Variants in DOCK3 observed in about 807,000 individuals in gnomAD.
The protein encoded by DOCK3 is dedicator of cytokinesis 3, also known as dedicator of cytokinesis protein 3.
Under a neutral mutation model 265.6 loss-of-function variants are expected in DOCK3, and 60 were observed. The ratio of observed to expected loss-of-function variants is 0.23; its 90% CI spans 0.18 to 0.28. The LOEUF (loss-of-function observed/expected upper bound fraction) is 0.28, where lower values mean the gene tolerates loss of function less well. Ranked by LOEUF, DOCK3 falls within the 10% of genes least tolerant of loss-of-function variation. The pLI, the probability that DOCK3 is intolerant of heterozygous loss-of-function variation, is 1.00. For synonymous variants in DOCK3, 881 were observed against 938.0 expected, an observed-to-expected ratio of 0.94 and a Z score of 1.11; for missense variants, 1,981 against 2,594.3, an observed-to-expected ratio of 0.76 and a Z score of 5.14.
intron 1 of DOCK3, among the ~76,000 whole-genome samples, chr3:50,694,270 C>T (rs1482127280): frequency 6.8e-6 from 1 of 147,802 alleles, no homozygotes; most frequent in Non-Finnish European, 1.5e-5. Context: ...ACTTTGTCTC[C>T]AAAAAAACTA....
At chr3:50,835,908 C>T (rs968036315) in intron 2 of DOCK3, among the ~76,000 whole-genome samples, 7 of 152,174 alleles carry the variant, frequency 4.6e-5, no homozygotes, top group Admixed American at 2.6e-4. Flanking sequence ...TATCTTCATT[C>T]CTTCCAGGTG....
chr3:50,740,658 A>G (rs188810353), intron 1 of DOCK3, among the ~76,000 whole-genome samples: 11 of 152,230 alleles, frequency 7.2e-5, no homozygotes, highest in Non-Finnish European at 1.5e-4. Context: ...GTGAACATTC[A>G]AAATTTTTTT....
chr3:50,696,868 TG>T (rs1315484722), intron 1 of DOCK3, among the ~76,000 whole-genome samples: 1 of 152,118 alleles, frequency 6.6e-6, no homozygotes, highest in Non-Finnish European at 1.5e-5. Flanking sequence ...CTCTACATTG[TG>T]TGTATACTTT....
intron 2 of DOCK3, among the ~76,000 whole-genome samples, chr3:50,821,744 A>T (rs1225937724): frequency 6.6e-6 from 1 of 152,172 alleles, no homozygotes; most frequent in Non-Finnish European, 1.5e-5. Context: ...CATTTATTGA[A>T]TAGGGAGTCC....
intron 9 of DOCK3, among the ~76,000 whole-genome samples, chr3:51,116,472 A>AAAAAAAG (rs1553763620): frequency 1.4e-5 from 2 of 145,056 alleles, no homozygotes; most frequent in African/African-American, 5.5e-5. Flanking sequence ...AAAAAAAAAA[A>AAAAAAAG]GGGTAGTTTT....
chr3:50,907,168 A>G (rs2049563212), intron 4 of DOCK3, among the ~76,000 whole-genome samples: 1 of 152,112 alleles, frequency 6.6e-6, no homozygotes, highest in Admixed American at 6.5e-5. Flanking sequence ...GGAGTGCTTT[A>G]CTTCCAACTA....
chr3:51,297,117 CAAAAAAAAAAAA>C (rs71633066), intron 27 of DOCK3, among the ~76,000 whole-genome samples: 1 of 65,912 alleles, frequency 1.5e-5, no homozygotes, highest in African/African-American at 6.8e-5. Context: ...GACTCTGTCT[CAAAAAAAAAAAA>C]AAAAAAAAAA....
intron 5 of DOCK3, among the ~76,000 whole-genome samples, chr3:51,009,963 T>C (rs2078874445): frequency 6.6e-6 from 1 of 152,248 alleles, no homozygotes; most frequent in Non-Finnish European, 1.5e-5. Flanking sequence ...TCTAGTTTGA[T>C]TGCACTGTAT....
intron 38 of DOCK3, among the ~76,000 whole-genome samples, chr3:51,346,464 T>A (rs1047849974): frequency 1.3e-4 from 20 of 152,190 alleles, no homozygotes; most frequent in African/African-American, 4.3e-4. Context: ...ACAAAGGACA[T>A]GGACTCATCC....
chr3:50,874,114 T>C (rs1281618214), intron 3 of DOCK3, among the ~76,000 whole-genome samples: 1 of 147,374 alleles, frequency 6.8e-6, no homozygotes, highest in Non-Finnish European at 1.5e-5. Flanking sequence ...GGGTGATCAG[T>C]GGAGCTTTCT....
chr3:50,961,834 T>A (rs1345850779), intron 5 of DOCK3, among the ~76,000 whole-genome samples: 1 of 152,190 alleles, frequency 6.6e-6, no homozygotes, highest in African/African-American at 2.4e-5. Context: ...TCTGATCTGT[T>A]TAGTATGGTA....
intron 32 of DOCK3, among the ~76,000 whole-genome samples, chr3:51,323,085 A>G (rs1025423986): frequency 6.6e-6 from 1 of 152,226 alleles, no homozygotes; most frequent in Non-Finnish European, 1.5e-5. Flanking sequence ...GATCAATGCA[A>G]CAAGAAGCAC....
intron 5 of DOCK3, among the ~76,000 whole-genome samples, chr3:50,936,486 CA>C (rs2051369929): frequency 6.6e-6 from 1 of 151,684 alleles, no homozygotes; most frequent in East Asian, 1.9e-4. Flanking sequence ...GGGAAAACCC[CA>C]AAGAAATCTA....
intron 4 of DOCK3, among the ~76,000 whole-genome samples, chr3:50,903,522 G>A (rs2049310947): frequency 6.6e-6 from 1 of 152,172 alleles, no homozygotes; most frequent in Non-Finnish European, 1.5e-5. Flanking sequence ...AAGCTGACTT[G>A]ATCATAGTGG....
chr3:50,901,256 T>A (rs1275703404), intron 4 of DOCK3, among the ~76,000 whole-genome samples: 1 of 152,172 alleles, frequency 6.6e-6, no homozygotes, highest in Non-Finnish European at 1.5e-5. Flanking sequence ...AACTTCCTGA[T>A]GGCTTTGTTT....
chr3:51,131,493 A>T (rs549227452), intron 9 of DOCK3, among the ~76,000 whole-genome samples: 1 of 152,126 alleles, frequency 6.6e-6, no homozygotes, highest in African/African-American at 2.4e-5. Flanking sequence ...CCTCCATTCA[A>T]GGGGTTCTAG....
chr3:50,804,884 T>C (rs1227331218), intron 2 of DOCK3, among the ~76,000 whole-genome samples: 1 of 152,262 alleles, frequency 6.6e-6, no homozygotes, highest in Non-Finnish European at 1.5e-5. Flanking sequence ...TTGGCTTATC[T>C]ATCTTTTTTG....
intron 4 of DOCK3, among the ~76,000 whole-genome samples, chr3:50,910,403 C>T (rs1251892505): frequency 6.6e-6 from 1 of 152,110 alleles, no homozygotes; most frequent in Admixed American, 6.5e-5. Context: ...CTTTGGCTGC[C>T]CCATCTCATG....
At chr3:50,711,004 C>T (rs191608872) in intron 1 of DOCK3, among the ~76,000 whole-genome samples, 19 of 152,178 alleles carry the variant, frequency 1.2e-4, no homozygotes, top group Admixed American at 6.5e-4. Flanking sequence ...CATTGGGCAC[C>T]GCATACACTG....
Sources: gnomAD v4.1 joint callset for allele counts (sites outside exome capture counted in the v4.1 genomes callset) on GRCh38, gnomAD v4.1.1 for gene constraint, MANE v1.5 for transcripts, NCBI Gene and HGNC (gene_info 2026-07-23, HGNC 2026-07-21) for gene names.